The following MFNG variants were observed in gnomAD, a reference collection of about 807,000 sequenced individuals.
MFNG encodes MFNG O-fucosylpeptide 3-beta-N-acetylglucosaminyltransferase.
A neutral mutation model predicts 34.2 loss-of-function variants in MFNG; 24 were observed. The observed-to-expected ratio is 0.70, with a 90% CI of 0.51 to 0.99. MFNG has a LOEUF of 0.99. MFNG is among the 50% of genes least tolerant of loss of function. The pLI is 0.00. For synonymous variants in MFNG, 158 were observed against 179.2 expected, an observed-to-expected ratio of 0.88 and a Z score of 0.94; for missense variants, 383 against 424.0, an observed-to-expected ratio of 0.90 and a Z score of 0.85.
intron 1 of MFNG, chr22:37,484,323 C>T (rs747342460): frequency 6.9e-6 from 1 of 143,922 alleles, no homozygotes; most frequent in Non-Finnish European, 1.5e-5. Flanking sequence ...ACTCCTGCCC[C>T]GTGCAGATGG....
At position 37,469,316 on chromosome 22, in the gene MFNG, G is replaced by C. The variant is rs1921701490; in HGVS notation, c.*647C>G. 1 of 163,586 alleles carries C rather than the reference G, an allele frequency of 6.1e-6. No individual in the cohort carries two copies. The highest frequency in any genetic ancestry group is 1.7e-4 in the South Asian group (1 of 5,964). The allele number at this position is 163,586 out of a possible 1,614,324, so 10.1% of individuals were successfully genotyped here. ...TAGCCCCTAACAGCAAGAAAGGCTG[G>C]GAAATGAGCAAAAAGGATCATCACA... On this transcript the variant is annotated 3_prime_UTR_variant, in exon 8 of 8. Transcript: ENST00000356998.
chr22:37,485,183 GCACA>G lies in MFNG; in HGVS notation c.255+736_255+739del, dbSNP rs112395451. On this transcript the variant is annotated intron_variant, in intron 1 of 7. Transcript: ENST00000356998. The surrounding 1 kb of genome is among the most constrained non-coding windows in gnomAD (Gnocchi z 5.3). ...GCACACTCCAGCTCCGTGCGTGTGA[GCACA>G]CACACACACACACACACAATCCCAC... Among the ~76,000 whole-genome samples the G allele has an allele frequency of 4.3e-4, 65 of 149,984 alleles. No homozygotes were observed. The highest frequency in any genetic ancestry group is 3.4e-3 in the Middle Eastern group (1 of 292).
rs1234339963 is a variant in MFNG at position 37,485,295 on chromosome 22, G to T, written c.255+628C>A. Among the ~76,000 whole-genome samples the T allele has an allele frequency of 6.6e-6, 1 of 152,108 alleles. No homozygotes were observed. Among genetic ancestry groups the T allele is most frequent in the East Asian group, 1.9e-4 (1 of 5,174 alleles). Reference sequence around the variant, plus strand: ...GGCATGCGCTCTCCTTCCCTCCCTCGGAAGCAGTCCGCAGGAAGCCAACAC... The same window carrying T: ...GGCATGCGCTCTCCTTCCCTCCCTCTGAAGCAGTCCGCAGGAAGCCAACAC... On this transcript the variant is annotated intron_variant, in intron 1 of 7. Coordinates refer to ENST00000356998, the MANE Select transcript of MFNG (RefSeq NM_002405.4). This position sits in a 1 kb window ranked among gnomAD's most constrained non-coding sequence, Gnocchi z 5.3.
intron 3 of MFNG, 93 bp from the exon 4 acceptor site, chr22:37,479,591 G>T: frequency 6.7e-7 from 1 of 1,499,672 alleles, no homozygotes; most frequent in Non-Finnish European, 9.1e-7. Flanking sequence ...GTGACGGAAT[G>T]GGGGTAGGGG....
At chr22:37,471,256 T>C (rs1480754982) in intron 7 of MFNG, among the ~76,000 whole-genome samples, 4 of 152,200 alleles carry the variant, frequency 2.6e-5, no homozygotes, top group Non-Finnish European at 5.9e-5. Context: ...TCAGGGCTCC[T>C]TCCCCAGTTC....
rs982629155 is a variant in MFNG at position 37,485,176 on chromosome 22, CGT to C, written c.255+745_255+746del. Among the ~76,000 whole-genome samples the C allele has an allele frequency of 1.3e-5, 2 of 150,592 alleles. No homozygotes were observed. The highest frequency in any genetic ancestry group is 3.0e-5 in the Non-Finnish European group (2 of 67,706). On this transcript the variant is annotated intron_variant, in intron 1 of 7. Coordinates refer to ENST00000356998, the MANE Select transcript of MFNG (RefSeq NM_002405.4). This position sits in a 1 kb window ranked among gnomAD's most constrained non-coding sequence, Gnocchi z 5.3. ...ACATCTAGCACACTCCAGCTCCGTG[CGT>C]GTGAGCACACACACACACACACACA...
chr22:37,476,029 C>T (rs111292392), intron 5 of MFNG, among the ~76,000 whole-genome samples: 263 of 152,278 alleles, frequency 1.7e-3, no homozygotes, highest in African/African-American at 5.7e-3. Context: ...ACCTGGCTGA[C>T]CTCAGACTGG....
rs1922544730 is a variant in MFNG, at chr22:37,486,132, G to A, written c.46C>T (p.Leu16Phe). ...AGACACAGGAGCCCCATGCACAGGAGGGTGAGGAGGGCTCCAGCCAGGCCC... is the reference window on the plus strand; with the variant it reads ...AGACACAGGAGCCCCATGCACAGGAAGGTGAGGAGGGCTCCAGCCAGGCCC... ...PRGLAGALLT[L>F]LCMGLLCLRY... is the part of the protein sequence containing the mutation. Residue 16 changes from leucine (L) to phenylalanine (F), a missense_variant, in exon 1 of 8, where the codon CTC becomes TTC. By Grantham distance (22) the Leu-to-Phe change is conservative. Coordinates refer to ENST00000356998, the MANE Select transcript of MFNG (RefSeq NM_002405.4). 1.2e-6 allele frequency: 2 copies of A among 1,601,554 alleles called. No individual in the cohort carries two copies. Among genetic ancestry groups the A allele is most frequent in the African/African-American group, 1.3e-5 (1 of 74,786 alleles).
chr22:37,474,754 C>T, intron 5 of MFNG, 77 bp from the exon 6 acceptor site: 1 of 1,474,354 alleles, frequency 6.8e-7, no homozygotes, highest in South Asian at 1.4e-5. Flanking sequence ...CATGAAGGCC[C>T]TCCACTGGGA....
Position 37,486,366 on chromosome 22 carries a change from C to T in MFNG, c.-189G>A, listed in dbSNP as rs1009537029. Reference sequence around the variant, plus strand: ...GCCATGGCAGCACGATCTCGACCGCCGCCAGTCCTCCACCTGCTCCCGCTG... The same window carrying T: ...GCCATGGCAGCACGATCTCGACCGCTGCCAGTCCTCCACCTGCTCCCGCTG... On this transcript the variant is annotated 5_prime_UTR_variant, in exon 1 of 8. Transcript: ENST00000356998. The T allele has an allele frequency of 3.9e-6, 2 of 515,928 alleles. No individual in the cohort carries two copies. The highest frequency in any genetic ancestry group is 3.9e-5 in the African/African-American group (2 of 50,748). The allele number at this position is 515,928 out of a possible 1,614,324, so 32.0% of individuals were successfully genotyped here.
chr22:37,482,414 C>G lies in MFNG; in HGVS notation c.256-1645G>C, dbSNP rs1046259322. ...TCCTGTCCACCCCTGGGGCTTCTCT[C>G]TCTGTCTCTCTCTCTCACACACACA... On this transcript the variant is annotated intron_variant, in intron 1 of 7. Coordinates refer to ENST00000356998, the MANE Select transcript of MFNG (RefSeq NM_002405.4). This position sits in a 1 kb window ranked among gnomAD's most constrained non-coding sequence, Gnocchi z 4.1. Among the ~76,000 whole-genome samples the G allele has an allele frequency of 6.6e-6, 1 of 151,168 alleles. No individual in the cohort carries two copies. The highest frequency in any genetic ancestry group is 2.4e-5 in the African/African-American group (1 of 40,842).
intron 2 of MFNG, 150 bp downstream of exon 2, chr22:37,480,571 G>C (rs1210984291): frequency 3.8e-6 from 3 of 782,056 alleles, no homozygotes; most frequent in Non-Finnish European, 6.3e-6. Context: ...CCAGGGAAGA[G>C]GCCCACTTCC....
At chr22:37,473,110 T>C (rs1921883735) in intron 6 of MFNG, among the ~76,000 whole-genome samples, 1 of 152,224 alleles carries the variant, frequency 6.6e-6, no homozygotes, top group Non-Finnish European at 1.5e-5. Flanking sequence ...ATGTTAGTAC[T>C]GACCTCATGT....
chr22:37,480,855 G>T, intron 1 of MFNG, 86 bp from the exon 2 acceptor site: 1 of 1,191,892 alleles, frequency 8.4e-7, no homozygotes, highest in Non-Finnish European at 1.2e-6. Context: ...CCAGGCCCCA[G>T]ATGGACTCTG....
chr22:37,479,717 G>A (rs1387036778), intron 3 of MFNG, among the ~76,000 whole-genome samples: 10 of 152,252 alleles, frequency 6.6e-5, no homozygotes, highest in South Asian at 4.1e-4. Context: ...TAAGACACTC[G>A]CCCTGGCCAG....
chr22:37,470,040 A>G lies in MFNG; in HGVS notation c.900-11T>C. ...TGGAGGGAGCGAAATCTGCAGAGAG[A>G]CCAGAAAAGGACAGGATGGTCACCC... On this transcript the variant is annotated splice_polypyrimidine_tract_variant and intron_variant, in intron 7 of 7. Transcript: ENST00000356998. 1 of 1,594,330 alleles carries G rather than the reference A, an allele frequency of 6.3e-7. No individual in the cohort carries two copies. Among genetic ancestry groups the G allele is most frequent in the Admixed American group, 1.7e-5 (1 of 58,092 alleles).
intron 1 of MFNG, chr22:37,480,984 C>G: frequency 1.7e-6 from 1 of 587,826 alleles, no homozygotes; most frequent in African/African-American, 1.9e-5. Context: ...AGCCCACAGT[C>G]TAAACACATA....
At chr22:37,472,605 G>A in intron 6 of MFNG, 77 bp from the exon 7 acceptor site, 3 of 1,368,834 alleles carry the variant, frequency 2.2e-6, no homozygotes, top group South Asian at 1.3e-5. Flanking sequence ...GGCACAGGTG[G>A]AGGAGGGGTT....
At position 37,477,115 on chromosome 22, in the gene MFNG, T is replaced by C. The variant is rs893119036; in HGVS notation, c.562-134A>G. ...ATTTTGAATCTCACTAGAGTCTTGC[T>C]ACAACCTGGCATTATTGCACCCATT... On this transcript the variant is annotated intron_variant, in intron 4 of 7. Transcript: ENST00000356998. The C allele has an allele frequency of 1.1e-5, 8 of 717,304 alleles. No individual in the cohort carries two copies. In the Middle Eastern group the frequency reaches 1.2e-3, roughly 109 times the overall value. 44.4% of individuals were successfully genotyped at this position (717,304 alleles called of 1,614,324 possible).
Sources: allele counts gnomAD v4.1 joint callset (sites outside exome capture counted in the v4.1 genomes callset), GRCh38; gene constraint gnomAD v4.1.1; non-coding constraint Gnocchi (gnomAD v3.1); transcripts MANE v1.5; gene names NCBI Gene and HGNC (gene_info 2026-07-23, HGNC 2026-07-21).